Variants in PSAT1 observed in about 807,000 individuals in gnomAD.
The protein encoded by PSAT1 is phosphoserine aminotransferase.
In PSAT1, 41 loss-of-function variants were observed where a neutral mutation model predicts 40.3. The observed-to-expected ratio is 1.02, with a 90% CI of 0.79 to 1.32. The LOEUF is 1.32. Ranked by LOEUF, PSAT1 falls within the 40% of genes most tolerant of loss-of-function variation. The pLI, the probability that PSAT1 is intolerant of heterozygous loss-of-function variation, is 0.00. For missense variants in PSAT1, 406 were observed against 455.8 expected (o/e 0.89, Z 0.99); for synonymous variants, 147 against 170.5 (o/e 0.86, Z 1.07).
intron 7 of PSAT1, among the ~76,000 whole-genome samples, chr9:78,325,553 G>C (rs1387479823): frequency 2.0e-5 from 3 of 152,326 alleles, no homozygotes; most frequent in Middle Eastern, 3.4e-3. Flanking sequence ...TCATCTGTTG[G>C]AACCATGCCT....
At chr9:78,323,948 T>C (rs1218922663) in intron 7 of PSAT1, among the ~76,000 whole-genome samples, 2 of 152,150 alleles carry the variant, frequency 1.3e-5, no homozygotes, top group Non-Finnish European at 2.9e-5. Context: ...TGGAGTGATG[T>C]TTCTTCACTG....
chr9:78,318,301 C>A (rs954104327), intron 7 of PSAT1, among the ~76,000 whole-genome samples: 54 of 152,316 alleles, frequency 3.5e-4, no homozygotes, highest in Admixed American at 1.3e-3. Flanking sequence ...ATGGAATTGG[C>A]TTTGGCATGG....
chr9:78,299,144 C>CCAAA (rs1177333395), intron 1 of PSAT1, among the ~76,000 whole-genome samples: 2 of 87,288 alleles, frequency 2.3e-5, no homozygotes, highest in African/African-American at 9.1e-5. Context: ...TGTCTCTTAA[C>CCAAA]AAAAAAAAAA....
At chr9:78,310,842 A>G (rs1264988075) in intron 6 of PSAT1, among the ~76,000 whole-genome samples, 2 of 152,124 alleles carry the variant, frequency 1.3e-5, no homozygotes, top group Non-Finnish European at 2.9e-5. Flanking sequence ...TCCTGACCTC[A>G]GGTGATCCAC....
rs748340409 is a variant in PSAT1, at chr9:78,308,538, T to A, written c.695T>A (p.Val232Glu). The change falls in exon 6 of 9, where the codon GTG becomes GAG. Residue 232 changes from valine (V) to glutamate (E), a missense_variant. By Grantham distance (121) the Val-to-Glu change is moderately radical (BLOSUM62 -2). Coordinates refer to ENST00000376588, the MANE Select transcript of PSAT1 (RefSeq NM_058179.4). ...RECPSVLEYK[V>E]QAGNSSLYNT... Reference sequence around the variant, plus strand: ...TGCCCCTCGGTCCTGGAATACAAGGTGCAGGCTGGAAACAGCTCCTTGTAC... The same window carrying A: ...TGCCCCTCGGTCCTGGAATACAAGGAGCAGGCTGGAAACAGCTCCTTGTAC... 6.2e-7 allele frequency: 1 copy of A among 1,614,016 alleles called. No individual in the cohort carries two copies. Among genetic ancestry groups the A allele is most frequent in the Non-Finnish European group, 8.5e-7 (1 of 1,179,996 alleles).
intron 4 of PSAT1, among the ~76,000 whole-genome samples, chr9:78,305,346 C>A (rs1316860517): frequency 6.6e-6 from 1 of 152,192 alleles, no homozygotes. Context: ...AACTCCTGAC[C>A]TCAGGTGATC....
chr9:78,308,359 C>T (rs1002082682), intron 5 of PSAT1, 55 bp from the exon 6 acceptor site: 14 of 1,577,602 alleles, frequency 8.9e-6, no homozygotes, highest in Non-Finnish European at 1.0e-5. Context: ...AGTTTGCATA[C>T]ATGTATGAAA....
At chr9:78,312,938 A>C (rs1479421982) in intron 6 of PSAT1, among the ~76,000 whole-genome samples, 2 of 152,180 alleles carry the variant, frequency 1.3e-5, no homozygotes, top group Non-Finnish European at 2.9e-5. Context: ...CATAACATCA[A>C]CTTCAGAACC....
chr9:78,309,783 A>G (rs1472562015), intron 6 of PSAT1, among the ~76,000 whole-genome samples: 2 of 152,216 alleles, frequency 1.3e-5, no homozygotes, highest in Non-Finnish European at 2.9e-5. Flanking sequence ...TCAGGATCCT[A>G]TAACTCCCAA....
intron 6 of PSAT1, among the ~76,000 whole-genome samples, chr9:78,313,791 A>G (rs1263816444): frequency 1.3e-5 from 2 of 152,000 alleles, no homozygotes; most frequent in African/African-American, 4.8e-5. Context: ...ACTACAGGCA[A>G]GTGCCACCAT....
chr9:78,300,483 T>C, intron 1 of PSAT1, 119 bp from the exon 2 acceptor site: 1 of 1,292,970 alleles, frequency 7.7e-7, no homozygotes, highest in East Asian at 2.9e-5. Flanking sequence ...TGGGTGGGGA[T>C]GGAAGCCTGG....
In PSAT1 at chr9:78,328,053, G is replaced by T. The variant is rs1828526495; in HGVS notation, c.872G>T (p.Cys291Phe). 1 of 1,610,332 alleles carries T rather than the reference G, an allele frequency of 6.2e-7. No individual in the cohort carries two copies. Among genetic ancestry groups the T allele is most frequent in the Non-Finnish European group, 8.5e-7 (1 of 1,178,514 alleles). The change falls in exon 8 of 9, where the codon TGT (cysteine) becomes TTT (phenylalanine). Residue 291 changes from cysteine (C) to phenylalanine (F), a missense_variant and splice_region_variant. Coordinates refer to ENST00000376588, the MANE Select transcript of PSAT1 (RefSeq NM_058179.4). ...GGAATAATAAACATGTTTTTCAGTT[G>T]TCCAGTGGAGCCCCAAAATAGAAGC... ...IIDNSQGFYV[C>F]PVEPQNRSKM...
rs1314512279 is a variant in PSAT1 at position 78,304,940 on chromosome 9, A to G, written c.397A>G (p.Lys133Glu). 2 of 1,612,296 alleles carry G rather than the reference A, an allele frequency of 1.2e-6. No homozygotes were observed. The highest frequency in any genetic ancestry group is 2.2e-5 in the East Asian group (1 of 44,876). The change falls in exon 4 of 9, where the codon AAA becomes GAA. Residue 133 changes from lysine (K) to glutamate (E), a missense_variant and splice_region_variant. Lys to Glu is a moderately conservative substitution (Grantham distance 56). Coordinates refer to ENST00000376588, the MANE Select transcript of PSAT1 (RefSeq NM_058179.4). ...TCACCCTAAACTTGGGAGTTATACA[A>G]GTAAGTTCTGGGAGCTGAGCTGGGT... ...IVHPKLGSYT[K>E]IPDPSTWNLN...
At chr9:78,310,966 C>T (rs114420578) in intron 6 of PSAT1, among the ~76,000 whole-genome samples, 2,920 of 152,264 alleles carry the variant, frequency 0.019, 98 homozygotes, top group African/African-American at 0.066. Context: ...TCACACGATG[C>T]AGAGCAGCAG....
At position 78,330,016 on chromosome 9, in the gene PSAT1, G is replaced by A. The variant is rs1408169193; in HGVS notation, c.*930G>A. ...TACGAGAGTGATACTTTGCTGAAAA[G>A]TCTTTCCCCTATTGTTTATCTATTG... On this transcript the variant is annotated 3_prime_UTR_variant, in exon 9 of 9. Coordinates refer to ENST00000376588, the MANE Select transcript of PSAT1 (RefSeq NM_058179.4). 6.6e-6 allele frequency: 1 copy of A among 152,152 alleles called. No individual in the cohort carries two copies. The highest frequency in any genetic ancestry group is 6.5e-5 in the Admixed American group (1 of 15,282). 9.4% of individuals were successfully genotyped at this position (152,152 alleles called of 1,614,324 possible). A position where few individuals can be genotyped will look rare whatever the true frequency, so the allele number is the denominator to read the frequency against.
chr9:78,297,213 GGAC>G lies in PSAT1; in HGVS notation c.5_7del (p.Asp2del). On this transcript the variant is annotated inframe_deletion, in exon 1 of 9. Transcript: ENST00000376588. ...CTCACCGCCCTGGCCGCCGCACCAT[GGAC>G]GCCCCCAGGCAGGTGGTCAACTTTG... is the stretch of plus-strand genomic sequence containing the variant. 6.2e-7 allele frequency: 1 copy of G among 1,600,868 alleles called. No individual in the cohort carries two copies. The highest frequency in any genetic ancestry group is 8.5e-7 in the Non-Finnish European group (1 of 1,177,652).
chr9:78,316,730 G>A (rs1440593168), intron 6 of PSAT1, among the ~76,000 whole-genome samples: 1 of 152,190 alleles, frequency 6.6e-6, no homozygotes. Flanking sequence ...GACTAATTCT[G>A]GGTAGTCTGT....
At position 78,329,281 on chromosome 9, in the gene PSAT1, C is replaced by T; in HGVS notation, c.*195C>T. ...GGTGGGACCTAATGTCACCTTAATTCTGACTTGAACTGGAAGCATTTTAAG... is the reference window on the plus strand; with the variant it reads ...GGTGGGACCTAATGTCACCTTAATTTTGACTTGAACTGGAAGCATTTTAAG... On this transcript the variant is annotated 3_prime_UTR_variant, in exon 9 of 9. Coordinates refer to ENST00000376588, the MANE Select transcript of PSAT1 (RefSeq NM_058179.4). The T allele has an allele frequency of 1.8e-6, 1 of 565,936 alleles. No individual in the cohort carries two copies. Among genetic ancestry groups the T allele is most frequent in the Non-Finnish European group, 3.1e-6 (1 of 318,922 alleles). The allele number at this position is 565,936 out of a possible 1,614,324, so 35.1% of individuals were successfully genotyped here.
chr9:78,328,050 G>T lies in PSAT1; in HGVS notation c.870-1G>T, dbSNP rs376824714. 3.5e-5 allele frequency: 57 copies of T among 1,610,138 alleles called. No individual in the cohort carries two copies. Among genetic ancestry groups the T allele is most frequent in the Non-Finnish European group, 4.2e-5 (50 of 1,178,326 alleles). On this transcript the variant is annotated splice_acceptor_variant, in intron 7 of 8. Transcript: ENST00000376588. LOFTEE classifies it high-confidence loss of function. ...GCTGGAATAATAAACATGTTTTTCAGTTGTCCAGTGGAGCCCCAAAATAGA... is the reference window on the plus strand; with the variant it reads ...GCTGGAATAATAAACATGTTTTTCATTTGTCCAGTGGAGCCCCAAAATAGA...
Sources: gnomAD v4.1 joint callset for allele counts (sites outside exome capture counted in the v4.1 genomes callset) on GRCh38, gnomAD v4.1.1 for gene constraint, MANE v1.5 for transcripts, NCBI Gene and HGNC (gene_info 2026-07-23, HGNC 2026-07-21) for gene names.